DNAH9: variants seen among roughly 807,000 people sequenced by gnomAD.
DNAH9 encodes DNAH9 variant protein.
Under a neutral mutation model 471.6 loss-of-function variants are expected in DNAH9, and 345 were observed. The ratio of observed to expected loss-of-function variants is 0.73; its 90% CI spans 0.67 to 0.80. The LOEUF (loss-of-function observed/expected upper bound fraction) is 0.80. DNAH9 is among the 30% of genes least tolerant of loss of function. The probability of loss-of-function intolerance (pLI) is 0.00; values close to 1 mark genes in which losing one functional copy is unlikely to be tolerated. For synonymous variants in DNAH9, 2,093 were observed against 2,123.6 expected (o/e 0.99, Z 0.40); for missense variants, 5,407 against 5,609.2 (o/e 0.96, Z 1.15).
At chr17:11,662,203 A>G (rs2073778852) in intron 14 of DNAH9, among the ~76,000 whole-genome samples, 1 of 152,106 alleles carries the variant, frequency 6.6e-6, no homozygotes, top group African/African-American at 2.4e-5. Flanking sequence ...TATGTAATGT[A>G]TTATTTATCT....
intron 61 of DNAH9, among the ~76,000 whole-genome samples, chr17:11,913,366 C>G (rs1454169220): frequency 6.6e-6 from 1 of 152,040 alleles, no homozygotes; most frequent in Non-Finnish European, 1.5e-5. Context: ...TTATTTCTTT[C>G]TAAGACTTTG....
chr17:11,935,496 C>T (rs1974679885), intron 65 of DNAH9, among the ~76,000 whole-genome samples: 1 of 151,866 alleles, frequency 6.6e-6, no homozygotes, highest in Non-Finnish European at 1.5e-5. Flanking sequence ...CTGCCTCAGC[C>T]TCCTGAGTAG....
At position 11,881,314 on chromosome 17, in the gene DNAH9, G is replaced by A. The variant is rs749204005; in HGVS notation, c.10707G>A (p.Gln3569=). 1.9e-5 allele frequency: 31 copies of A among 1,614,016 alleles called. No homozygotes were observed. Among genetic ancestry groups the A allele is most frequent in the Non-Finnish European group, 3.4e-6 (4 of 1,180,024 alleles). ...NPHYQPELQA[Q]ATLINFTVTR... is the part of the protein sequence containing the mutation. ...ACTACCAGCCTGAGCTGCAGGCTCA[G>A]GCCACCCTGATCAACTTCACCGTGA... Residue 3569 remains glutamine (Q), a synonymous_variant, in exon 55 of 69, where the codon CAG becomes CAA. Coordinates refer to ENST00000262442, the MANE Select transcript of DNAH9 (RefSeq NM_001372.4).
At chr17:11,771,793 A>G (rs1253968240) in intron 38 of DNAH9, among the ~76,000 whole-genome samples, 1 of 152,192 alleles carries the variant, frequency 6.6e-6, no homozygotes, top group African/African-American at 2.4e-5. Flanking sequence ...TACTACTAAT[A>G]ATAATAATAA....
chr17:11,604,172 G>A (rs1418396115), intron 1 of DNAH9, among the ~76,000 whole-genome samples: 7 of 151,952 alleles, frequency 4.6e-5, no homozygotes, highest in Admixed American at 1.3e-4. Flanking sequence ...ACAGGTGCCC[G>A]CCACCATGCC....
chr17:11,624,406 G>A (rs2072932359), intron 6 of DNAH9, among the ~76,000 whole-genome samples: 1 of 152,292 alleles, frequency 6.6e-6, no homozygotes, highest in South Asian at 2.1e-4. Flanking sequence ...CCACCCAGGA[G>A]GCTGAGGCAG....
intron 67 of DNAH9, among the ~76,000 whole-genome samples, chr17:11,949,644 G>T (rs1975287727): frequency 6.6e-6 from 1 of 152,090 alleles, no homozygotes; most frequent in Admixed American, 6.6e-5. Context: ...AGCATGCCTG[G>T]CTAATTTTGT....
At chr17:11,680,646 G>T (rs1339679786) in intron 18 of DNAH9, 77 bp from the exon 19 acceptor site, 28 of 1,268,614 alleles carry the variant, frequency 2.2e-5, no homozygotes, top group Non-Finnish European at 2.9e-5. Flanking sequence ...GGAAGCATCT[G>T]GGCTCTGTCC....
intron 44 of DNAH9, 43 bp from the exon 45 acceptor site, chr17:11,810,203 A>C: frequency 1.9e-6 from 3 of 1,579,684 alleles, no homozygotes; most frequent in South Asian, 1.2e-5. Context: ...TCTTTCAAGG[A>C]GGCCTTCTTT....
intron 48 of DNAH9, among the ~76,000 whole-genome samples, chr17:11,828,400 G>A (rs1184307260): frequency 1.3e-5 from 2 of 151,614 alleles, no homozygotes. Flanking sequence ...TCGAACCTGG[G>A]CGGTGGAGGT....
intron 61 of DNAH9, among the ~76,000 whole-genome samples, chr17:11,921,060 G>C (rs1357282866): frequency 1.3e-5 from 2 of 151,978 alleles, no homozygotes; most frequent in African/African-American, 2.4e-5. Flanking sequence ...AGGATCGCTT[G>C]AATCTGAGAG....
intron 53 of DNAH9, chr17:11,875,848 CA>C (rs1010105074): frequency 6.6e-6 from 1 of 152,326 alleles, no homozygotes; most frequent in Non-Finnish European, 1.5e-5. Context: ...CTTGTGGTTT[CA>C]GTACTCATCC....
intron 14 of DNAH9, among the ~76,000 whole-genome samples, chr17:11,662,605 A>AT (rs1179761413): frequency 6.6e-6 from 1 of 151,592 alleles, no homozygotes; most frequent in African/African-American, 2.4e-5. Context: ...ATGTCTAGTA[A>AT]TTTTTTTATT....
At chr17:11,764,308 G>C (rs961979323) in intron 36 of DNAH9, among the ~76,000 whole-genome samples, 7 of 152,070 alleles carry the variant, frequency 4.6e-5, no homozygotes, top group Non-Finnish European at 7.4e-5. Context: ...TATCTAGAAA[G>C]AAAAATATTC....
chr17:11,774,625 CCA>C (rs1349487083), intron 38 of DNAH9, among the ~76,000 whole-genome samples: 1 of 152,050 alleles, frequency 6.6e-6, no homozygotes, highest in Non-Finnish European at 1.5e-5. Flanking sequence ...CAATTACCTC[CCA>C]CCAGGTAGGA....
At chr17:11,823,239 C>G (rs532007607) in intron 48 of DNAH9, among the ~76,000 whole-genome samples, 1 of 152,214 alleles carries the variant, frequency 6.6e-6, no homozygotes, top group African/African-American at 2.4e-5. Flanking sequence ...GAGAGCTTTT[C>G]AAGTTTATCC....
At position 11,932,169 on chromosome 17, in the gene DNAH9, G is replaced by A. The variant is rs749215775; in HGVS notation, c.12261G>A (p.Val4087=). 6.2e-7 allele frequency: 1 copy of A among 1,614,116 alleles called. No homozygotes were observed. The highest frequency in any genetic ancestry group is 2.2e-5 in the East Asian group (1 of 44,876). ...ACACTGGAGACCTCACTATCTCTGT[G>A]AATGTCCTCTACAACTTCCTGGAGG... ...PFNTGDLTIS[V]NVLYNFLEAN... The change falls in exon 64 of 69, where the codon GTG becomes GTA. Residue 4087 remains valine, a synonymous_variant. Coordinates refer to ENST00000262442, the MANE Select transcript of DNAH9 (RefSeq NM_001372.4). The surrounding 1 kb of genome is among the most constrained non-coding windows in gnomAD (Gnocchi z 4.3).
chr17:11,748,100 C>T (rs970912388), intron 32 of DNAH9, among the ~76,000 whole-genome samples: 4 of 129,102 alleles, frequency 3.1e-5, no homozygotes, highest in African/African-American at 5.9e-5. Flanking sequence ...GTCAGGAGTT[C>T]GAGACCAGCC....
intron 50 of DNAH9, among the ~76,000 whole-genome samples, chr17:11,859,181 G>A (rs558411456): frequency 1.3e-5 from 2 of 151,730 alleles, no homozygotes; most frequent in African/African-American, 4.8e-5. Flanking sequence ...GGGAGGCTGA[G>A]ACAGGTGTAT....
Sources: allele counts gnomAD v4.1 joint callset (sites outside exome capture counted in the v4.1 genomes callset), GRCh38; gene constraint gnomAD v4.1.1; non-coding constraint Gnocchi (gnomAD v3.1); transcripts MANE v1.5; gene names NCBI Gene and HGNC (gene_info 2026-07-23, HGNC 2026-07-21).